Variants in PTPRR observed in about 807,000 individuals in gnomAD.
PTPRR encodes receptor-type tyrosine-protein phosphatase R.
In PTPRR, 38 loss-of-function variants were observed where a neutral mutation model predicts 77.2. The ratio of observed to expected loss-of-function variants is 0.49; its 90% CI spans 0.38 to 0.65. The LOEUF (loss-of-function observed/expected upper bound fraction) is 0.65, where lower values mean the gene tolerates loss of function less well. PTPRR is among the 30% of genes least tolerant of loss of function. PTPRR has a pLI of 0.00. For missense variants in PTPRR, 744 were observed against 799.2 expected (o/e 0.93, Z 0.83); for synonymous variants, 299 against 283.1 (o/e 1.06, Z -0.57).
intron 4 of PTPRR, among the ~76,000 whole-genome samples, chr12:70,758,938 G>GTTA (rs1890624956): frequency 6.6e-6 from 1 of 151,614 alleles, no homozygotes; most frequent in Admixed American, 6.6e-5. Flanking sequence ...TGCTCTTGTT[G>GTTA]TTGTTGTTGT....
intron 1 of PTPRR, among the ~76,000 whole-genome samples, chr12:70,906,229 T>C (rs1893619311): frequency 6.6e-6 from 1 of 151,996 alleles, no homozygotes; most frequent in Admixed American, 6.6e-5. Flanking sequence ...AGTCTTCTCA[T>C]CAGAAAATGT....
At chr12:70,873,062 A>G (rs1024265146) in intron 2 of PTPRR, among the ~76,000 whole-genome samples, 6 of 152,200 alleles carry the variant, frequency 3.9e-5, no homozygotes, top group Non-Finnish European at 7.3e-5. Context: ...ATCCAGTTCA[A>G]GGTTCTTTTT....
chr12:70,744,040 C>T (rs1002004877), intron 6 of PTPRR, among the ~76,000 whole-genome samples: 2 of 152,128 alleles, frequency 1.3e-5, no homozygotes, highest in Non-Finnish European at 2.9e-5. Context: ...TTCTTGCCAC[C>T]GGCCCTTCGT....
intron 1 of PTPRR, among the ~76,000 whole-genome samples, chr12:70,913,997 A>AG: frequency 6.6e-6 from 1 of 152,294 alleles, no homozygotes; most frequent in Non-Finnish European, 1.5e-5. Context: ...GTACATTGAC[A>AG]GGGGAATATA....
At chr12:70,737,262 C>T (rs867824801) in intron 6 of PTPRR, among the ~76,000 whole-genome samples, 4 of 152,134 alleles carry the variant, frequency 2.6e-5, no homozygotes, top group African/African-American at 7.2e-5. Flanking sequence ...GCTGCTACCA[C>T]CACCTCTTTG....
chr12:70,902,745 A>AG (rs1893559097), intron 1 of PTPRR, among the ~76,000 whole-genome samples: 1 of 151,634 alleles, frequency 6.6e-6, no homozygotes, highest in African/African-American at 2.4e-5. Context: ...GAAGAGTGGG[A>AG]GGGGGGCAAG....
intron 2 of PTPRR, among the ~76,000 whole-genome samples, chr12:70,805,202 A>T (rs974939846): frequency 2.0e-5 from 3 of 152,042 alleles, no homozygotes; most frequent in Non-Finnish European, 4.4e-5. Flanking sequence ...ATGGACATTT[A>T]TGCTGTTTCT....
intron 5 of PTPRR, among the ~76,000 whole-genome samples, chr12:70,748,397 C>G (rs573119908): frequency 6.6e-6 from 1 of 152,120 alleles, no homozygotes. Flanking sequence ...TGGAATATAG[C>G]ATATTCATAT....
At chr12:70,857,841 T>A (rs1892679613) in intron 2 of PTPRR, among the ~76,000 whole-genome samples, 1 of 152,188 alleles carries the variant, frequency 6.6e-6, no homozygotes, top group South Asian at 2.1e-4. Flanking sequence ...TTTGACAATA[T>A]ACTGCAAGGC....
intron 8 of PTPRR, among the ~76,000 whole-genome samples, chr12:70,688,187 G>A (rs1389280945): frequency 6.6e-6 from 1 of 152,054 alleles, no homozygotes; most frequent in Non-Finnish European, 1.5e-5. Flanking sequence ...AAAATTTCTT[G>A]GATATGACCC....
chr12:70,683,002 T>C (rs954718842), intron 10 of PTPRR, among the ~76,000 whole-genome samples: 1 of 152,136 alleles, frequency 6.6e-6, no homozygotes, highest in African/African-American at 2.4e-5. Flanking sequence ...GCCAAAAATA[T>C]GCTATTTTTC....
intron 6 of PTPRR, among the ~76,000 whole-genome samples, chr12:70,724,500 T>C (rs1889367680): frequency 6.6e-6 from 1 of 152,208 alleles, no homozygotes; most frequent in African/African-American, 2.4e-5. Context: ...AACTCTTAAC[T>C]GGTATTATTA....
chr12:70,671,922 T>A, intron 10 of PTPRR: 1 of 921,624 alleles, frequency 1.1e-6, no homozygotes, highest in East Asian at 2.4e-5. Flanking sequence ...GCTCTGATGC[T>A]GGTCTCTGGT....
chr12:70,783,848 G>A lies in PTPRR; in HGVS notation c.358-19070C>T, dbSNP rs1033959295. 5.9e-5 allele frequency among the ~76,000 whole-genome samples: 8 copies of A among 135,786 alleles called. No individual in the cohort carries two copies. In the South Asian group the frequency reaches 1.5e-3, roughly 26 times the overall value. The allele number at this position is 135,786 out of a possible 152,430, so 89.1% of individuals were successfully genotyped here. On this transcript the variant is annotated intron_variant, in intron 2 of 13. Coordinates refer to ENST00000283228, the MANE Select transcript of PTPRR (RefSeq NM_002849.4). ...GCACCCAAAGTCTGGAGGGTCTAAG[G>A]CTGTGTGGGGGGGACGGGGGGGGGG...
At chr12:70,867,682 A>C (rs1892879996) in intron 2 of PTPRR, among the ~76,000 whole-genome samples, 1 of 152,236 alleles carries the variant, frequency 6.6e-6, no homozygotes, top group Non-Finnish European at 1.5e-5. Flanking sequence ...ATTGGAAAAA[A>C]CTACTTTAAA....
intron 8 of PTPRR, among the ~76,000 whole-genome samples, chr12:70,689,973 T>C (rs371387562): frequency 2.6e-4 from 39 of 152,328 alleles, no homozygotes; most frequent in African/African-American, 9.1e-4. Context: ...TGACTAAGTT[T>C]TCACTTATAG....
At chr12:70,764,868 C>T (rs547584060) in intron 2 of PTPRR, 90 bp from the exon 3 acceptor site, 213 of 957,652 alleles carry the variant, frequency 2.2e-4, no homozygotes, top group Non-Finnish European at 2.9e-4. Context: ...AATAAGTTCA[C>T]GACATTCAGT....
At chr12:70,892,445 G>A (rs563788343) in intron 2 of PTPRR, among the ~76,000 whole-genome samples, 4 of 152,128 alleles carry the variant, frequency 2.6e-5, no homozygotes, top group Admixed American at 1.3e-4. Flanking sequence ...CATCTACCAT[G>A]TACCATGCAT....
chr12:70,716,103 T>G (rs1282378931), intron 6 of PTPRR, among the ~76,000 whole-genome samples: 3 of 152,180 alleles, frequency 2.0e-5, no homozygotes, highest in Non-Finnish European at 2.9e-5. Flanking sequence ...AGCCGGTCCC[T>G]CCGTTTGGGG....
Sources: allele counts gnomAD v4.1 joint callset (sites outside exome capture counted in the v4.1 genomes callset), GRCh38; gene constraint gnomAD v4.1.1; transcripts MANE v1.5; gene names NCBI Gene and HGNC (gene_info 2026-07-23, HGNC 2026-07-21).